RPS6KA2: variants seen among roughly 807,000 people sequenced by gnomAD.
RPS6KA2 encodes the protein ribosomal protein S6 kinase alpha-2.
RPS6KA2 carries 42 observed loss-of-function variants against 91.8 expected under a neutral mutation model. The observed-to-expected ratio is 0.46, with a 90% CI of 0.36 to 0.59. RPS6KA2 has a LOEUF of 0.59. Among genes scored for constraint, RPS6KA2 ranks in the 20% least tolerant of loss-of-function variants. The pLI, the probability that RPS6KA2 is intolerant of heterozygous loss-of-function variation, is 0.00. For synonymous variants in RPS6KA2, 414 were observed against 393.6 expected, an observed-to-expected ratio of 1.05 and a Z score of -0.61; for missense variants, 798 against 978.5, an observed-to-expected ratio of 0.82 and a Z score of 2.46.
At chr6:166,616,655 C>G (rs1786425645) in intron 1 of RPS6KA2, among the ~76,000 whole-genome samples, 1 of 152,112 alleles carries the variant, frequency 6.6e-6, no homozygotes, top group Admixed American at 6.5e-5. Flanking sequence ...CCTTCCCATC[C>G]ATCCTCCCTC....
intron 1 of RPS6KA2, among the ~76,000 whole-genome samples, chr6:166,621,936 A>G (rs1370342443): frequency 6.6e-6 from 1 of 152,110 alleles, no homozygotes; most frequent in East Asian, 1.9e-4. Context: ...TCTCCCACCC[A>G]CTATTAAATT....
At chr6:166,477,497 A>C (rs537829189) in intron 10 of RPS6KA2, among the ~76,000 whole-genome samples, 1 of 152,368 alleles carries the variant, frequency 6.6e-6, no homozygotes, top group African/African-American at 2.4e-5. Context: ...TAGGTTATTT[A>C]GAAAATTATT....
chr6:166,804,119 G>C (rs2128618629), intron 2 of RPS6KA2, among the ~76,000 whole-genome samples: 1 of 151,954 alleles, frequency 6.6e-6, no homozygotes, highest in South Asian at 2.1e-4. Flanking sequence ...TAAAAGTCAA[G>C]CAATACAGTG....
chr6:166,615,847 C>T (rs935608070), intron 1 of RPS6KA2, among the ~76,000 whole-genome samples: 11 of 152,176 alleles, frequency 7.2e-5, no homozygotes, highest in African/African-American at 2.2e-4. Context: ...CTTGCCCACT[C>T]AGCGCAGGAC....
intron 2 of RPS6KA2, among the ~76,000 whole-genome samples, chr6:166,754,760 GT>G (rs1256477616): frequency 6.6e-6 from 1 of 152,222 alleles, no homozygotes; most frequent in Non-Finnish European, 1.5e-5. Flanking sequence ...CCTGGTTAGT[GT>G]AGACAGGTAG....
At chr6:166,769,086 C>G (rs1171526226) in intron 2 of RPS6KA2, among the ~76,000 whole-genome samples, 1 of 152,184 alleles carries the variant, frequency 6.6e-6, no homozygotes, top group Non-Finnish European at 1.5e-5. Context: ...CAAGGGCACC[C>G]ACACCCTACC....
chr6:166,560,864 A>G (rs1784322160), intron 1 of RPS6KA2, among the ~76,000 whole-genome samples: 1 of 151,994 alleles, frequency 6.6e-6, no homozygotes, highest in Non-Finnish European at 1.5e-5. Context: ...AAATGCTATC[A>G]ATGGTCACTT....
chr6:166,754,402 G>A (rs1010008990), intron 2 of RPS6KA2, among the ~76,000 whole-genome samples: 10 of 152,158 alleles, frequency 6.6e-5, no homozygotes, highest in African/African-American at 2.4e-4. Context: ...GTGTGGGCAG[G>A]GGCCTTTCAC....
At chr6:166,711,930 G>C (rs944241856) in intron 2 of RPS6KA2, among the ~76,000 whole-genome samples, 5 of 152,200 alleles carry the variant, frequency 3.3e-5, no homozygotes, top group African/African-American at 9.7e-5. Flanking sequence ...GACAGAGAGA[G>C]AGAGAGGAGA....
intron 11 of RPS6KA2, among the ~76,000 whole-genome samples, chr6:166,465,924 T>A (rs1780504268): frequency 6.6e-6 from 1 of 152,196 alleles, no homozygotes. Context: ...TCTGAGCTCT[T>A]CTGCCACTCA....
rs555473385 is a variant in RPS6KA2 at position 166,580,356 on chromosome 6, A to G, written c.100-41572T>C. On this transcript the variant is annotated intron_variant, in intron 1 of 20. Coordinates refer to ENST00000265678, the MANE Select transcript of RPS6KA2 (RefSeq NM_021135.6). Reference sequence around the variant, plus strand: ...TTCAGCCATAGTCCCGTGCATATCCAAAGGTCTGAAGGAAACTTCAGAGGT... The same window carrying G: ...TTCAGCCATAGTCCCGTGCATATCCGAAGGTCTGAAGGAAACTTCAGAGGT... Among the ~76,000 whole-genome samples the G allele has an allele frequency of 5.9e-5, 9 of 152,312 alleles. No individual in the cohort carries two copies. The East Asian group carries it at 1.7e-3, about 29-fold the overall frequency.
Position 166,585,498 on chromosome 6 carries a change from CTTT to C in RPS6KA2, c.99+41420_99+41422del, listed in dbSNP as rs58153048. Among the ~76,000 whole-genome samples, 13 of 86,304 alleles carry C rather than the reference CTTT, an allele frequency of 1.5e-4. 1 individual carries two copies. Among genetic ancestry groups the C allele is most frequent in the East Asian group, 6.6e-4 (2 of 3,036 alleles). The allele number at this position is 86,304 out of a possible 152,430, so 56.6% of individuals were successfully genotyped here. Reference sequence around the variant, plus strand: ...ATCTCAAACATGACATCAAACAAGTCTTTTTTTTTTTTTTTTTTTTTCCTTATT... The same window carrying C: ...ATCTCAAACATGACATCAAACAAGTCTTTTTTTTTTTTTTTTTTCCTTATT... On this transcript the variant is annotated intron_variant, in intron 1 of 20. Coordinates refer to ENST00000265678, the MANE Select transcript of RPS6KA2 (RefSeq NM_021135.6).
chr6:166,765,562 G>C (rs756545172), intron 2 of RPS6KA2, among the ~76,000 whole-genome samples: 1 of 152,212 alleles, frequency 6.6e-6, no homozygotes, highest in Non-Finnish European at 1.5e-5. Context: ...ACTTTTCGTA[G>C]ATTATAAAGG....
intron 2 of RPS6KA2, among the ~76,000 whole-genome samples, chr6:166,742,303 CTCT>C (rs1790839005): frequency 6.6e-6 from 1 of 152,190 alleles, no homozygotes; most frequent in Non-Finnish European, 1.5e-5. Flanking sequence ...AAGAAGAAAT[CTCT>C]TCAAGAAGAA....
At chr6:166,642,793 T>C (rs1377544570) in intron 2 of RPS6KA2, among the ~76,000 whole-genome samples, 1 of 152,200 alleles carries the variant, frequency 6.6e-6, no homozygotes, top group East Asian at 1.9e-4. Context: ...GCCACCGCCA[T>C]GGGTCCTGAG....
intron 2 of RPS6KA2, among the ~76,000 whole-genome samples, chr6:166,746,175 G>C (rs576098151): frequency 6.6e-6 from 1 of 152,204 alleles, no homozygotes; most frequent in African/African-American, 2.4e-5. Flanking sequence ...CCCAGCTGGA[G>C]TATGCAGGCT....
intron 2 of RPS6KA2, among the ~76,000 whole-genome samples, chr6:166,723,210 T>C (rs1790229385): frequency 6.6e-6 from 1 of 152,242 alleles, no homozygotes; most frequent in South Asian, 2.1e-4. Flanking sequence ...AGCCCTGCCA[T>C]CCTGGCTCAG....
Position 166,418,391 on chromosome 6 carries a change from A to G in RPS6KA2, c.1821-49T>C, listed in dbSNP as rs755861704. ...GTAATGAGCTTGTATTTTACAACCT[A>G]AAATAAAGTTTGCAAGTTGATATCA... On this transcript the variant is annotated intron_variant, in intron 18 of 20. Coordinates refer to ENST00000265678, the MANE Select transcript of RPS6KA2 (RefSeq NM_021135.6). The surrounding 1 kb of genome is among the most constrained non-coding windows in gnomAD (Gnocchi z 4.9). 3.5e-6 allele frequency: 5 copies of G among 1,433,468 alleles called. No individual in the cohort carries two copies. The highest frequency in any genetic ancestry group is 4.9e-6 in the Non-Finnish European group (5 of 1,019,146). 88.8% of individuals were successfully genotyped at this position (1,433,468 alleles called of 1,614,324 possible).
chr6:166,484,870 T>A (rs1311307617), intron 10 of RPS6KA2, among the ~76,000 whole-genome samples: 1 of 152,270 alleles, frequency 6.6e-6, no homozygotes, highest in African/African-American at 2.4e-5. Flanking sequence ...TACATCTGTT[T>A]TCATAAGTGA....
Sources: gnomAD v4.1 joint callset for allele counts (sites outside exome capture counted in the v4.1 genomes callset) on GRCh38, gnomAD v4.1.1 for gene constraint, Gnocchi (gnomAD v3.1) non-coding constraint, MANE v1.5 for transcripts, NCBI Gene and HGNC (gene_info 2026-07-23, HGNC 2026-07-21) for gene names.